The following MTSS1 variants were observed in gnomAD, a reference collection of about 807,000 sequenced individuals.
The protein encoded by MTSS1 is protein MTSS 1.
Under a neutral mutation model 79.0 loss-of-function variants are expected in MTSS1, and 18 were observed. The observed-to-expected ratio is 0.23, with a 90% CI of 0.16 to 0.34. The LOEUF (loss-of-function observed/expected upper bound fraction) is 0.34, where lower values mean the gene tolerates loss of function less well. Ranked by LOEUF, MTSS1 falls within the 10% of genes least tolerant of loss-of-function variation. The pLI is 1.00. For synonymous variants in MTSS1, 341 were observed against 368.6 expected, an observed-to-expected ratio of 0.93 and a Z score of 0.86; for missense variants, 815 against 986.2, an observed-to-expected ratio of 0.83 and a Z score of 2.33.
At chr8:124,637,112 G>A (rs3891180) in intron 3 of MTSS1, among the ~76,000 whole-genome samples, 3 of 152,132 alleles carry the variant, frequency 2.0e-5, no homozygotes, top group Non-Finnish European at 2.9e-5. Context: ...ATGAGGAAAC[G>A]CAGCCCTGCC....
chr8:124,645,004 C>T (rs1243401643), intron 3 of MTSS1, among the ~76,000 whole-genome samples: 12 of 152,118 alleles, frequency 7.9e-5, no homozygotes, highest in Admixed American at 7.9e-4. Flanking sequence ...GGTCTTGAGG[C>T]CCAAATGTAG....
chr8:124,665,851 G>A (rs185367108), intron 3 of MTSS1, among the ~76,000 whole-genome samples: 8 of 142,234 alleles, frequency 5.6e-5, no homozygotes, highest in South Asian at 2.2e-4. Flanking sequence ...TGGGCAATAC[G>A]AGTGAAACTC....
At chr8:124,622,958 G>A (rs13439680) in intron 3 of MTSS1, among the ~76,000 whole-genome samples, 200 of 152,272 alleles carry the variant, frequency 1.3e-3, no homozygotes, top group African/African-American at 4.6e-3. Flanking sequence ...GGGAGATGGG[G>A]CCCAAGGCAA....
At chr8:124,661,129 C>T (rs1465392342) in intron 3 of MTSS1, among the ~76,000 whole-genome samples, 2 of 152,172 alleles carry the variant, frequency 1.3e-5, no homozygotes, top group African/African-American at 2.4e-5. Context: ...TCATTCAGAA[C>T]CTTCATCCTT....
chr8:124,599,346 G>A (rs190488893), intron 3 of MTSS1, among the ~76,000 whole-genome samples: 4,381 of 151,668 alleles, frequency 0.029, 88 homozygotes, highest in South Asian at 0.1. Context: ...TAGCCAGCAC[G>A]GTGGTGGGTG....
At chr8:124,559,684 G>C (rs1039219457) in intron 10 of MTSS1, among the ~76,000 whole-genome samples, 1 of 152,162 alleles carries the variant, frequency 6.6e-6, no homozygotes, top group Non-Finnish European at 1.5e-5. Flanking sequence ...CTACACCCAA[G>C]TTTCTTCTAG....
intron 8 of MTSS1, 117 bp from the exon 9 acceptor site, chr8:124,565,876 C>A: frequency 5.1e-6 from 4 of 777,876 alleles, no homozygotes; most frequent in Non-Finnish European, 7.9e-6. Flanking sequence ...GGAATGAAAG[C>A]AAAACATGTT....
intron 3 of MTSS1, among the ~76,000 whole-genome samples, chr8:124,609,836 T>C (rs895218258): frequency 6.6e-6 from 1 of 152,152 alleles, no homozygotes; most frequent in African/African-American, 2.4e-5. Context: ...TTGGACACTA[T>C]CCTATTCTGA....
intron 1 of MTSS1, among the ~76,000 whole-genome samples, chr8:124,718,256 C>T (rs1832391015): frequency 1.1e-5 from 1 of 88,934 alleles, no homozygotes; most frequent in African/African-American, 3.8e-5. Flanking sequence ...AAAACATCTG[C>T]TAATTTTTTT....
At chr8:124,587,175 C>T (rs576097304) in intron 5 of MTSS1, among the ~76,000 whole-genome samples, 37 of 152,238 alleles carry the variant, frequency 2.4e-4, no homozygotes, top group South Asian at 2.1e-3. Context: ...GGGGCCTGGC[C>T]GGATGGTTGT....
At chr8:124,554,928 C>T (rs535656470) in intron 13 of MTSS1, among the ~76,000 whole-genome samples, 47 of 152,266 alleles carry the variant, frequency 3.1e-4, no homozygotes, top group East Asian at 7.7e-4. Flanking sequence ...ACTGCAGCCT[C>T]GACTTCCCAG....
intron 3 of MTSS1, among the ~76,000 whole-genome samples, chr8:124,654,639 C>T (rs1820606981): frequency 6.6e-6 from 1 of 152,208 alleles, no homozygotes; most frequent in Non-Finnish European, 1.5e-5. Flanking sequence ...GATCCTAACC[C>T]AGCGTAATTG....
intron 6 of MTSS1, chr8:124,580,419 G>T: frequency 1.1e-6 from 1 of 915,938 alleles, no homozygotes; most frequent in South Asian, 1.6e-5. Context: ...TGGAAAATTA[G>T]GTAGGCACAG....
chr8:124,622,315 G>T (rs113490082), intron 3 of MTSS1, among the ~76,000 whole-genome samples: 2 of 151,864 alleles, frequency 1.3e-5, no homozygotes, highest in African/African-American at 2.4e-5. Context: ...GAGCAGGGGT[G>T]GGGGAGGTGA....
rs138827701 is a variant in MTSS1, at chr8:124,670,894, C to T, written c.208+28632G>A. Among the ~76,000 whole-genome samples, 377 of 152,234 alleles carry T rather than the reference C, an allele frequency of 2.5e-3. 2 individuals are homozygous for T. The highest frequency in any genetic ancestry group is 8.7e-3 in the African/African-American group (363 of 41,528). On this transcript the variant is annotated intron_variant, in intron 3 of 13. Coordinates refer to ENST00000518547, the MANE Select transcript of MTSS1 (RefSeq NM_014751.6). Reference sequence around the variant, plus strand: ...CTCTAAAATGGCTTAAGATACAGAGCCCAGGAGTGCCAAAAGGCCAGGTCA... The same window carrying T: ...CTCTAAAATGGCTTAAGATACAGAGTCCAGGAGTGCCAAAAGGCCAGGTCA...
intron 3 of MTSS1, among the ~76,000 whole-genome samples, chr8:124,687,979 G>C (rs1827256274): frequency 6.6e-6 from 1 of 152,178 alleles, no homozygotes; most frequent in African/African-American, 2.4e-5. Context: ...CTCAAATGCG[G>C]CTCTAAAGGG....
intron 3 of MTSS1, among the ~76,000 whole-genome samples, chr8:124,665,492 T>G (rs1256748996): frequency 6.6e-6 from 1 of 152,214 alleles, no homozygotes; most frequent in African/African-American, 2.4e-5. Context: ...CACCTGGCTT[T>G]TCTCCTCTCT....
At chr8:124,612,368 T>C (rs28379655) in intron 3 of MTSS1, among the ~76,000 whole-genome samples, 47,082 of 152,060 alleles carry the variant, frequency 0.31, 9,772 homozygotes, top group African/African-American at 0.59. Context: ...GGAAACGGCA[T>C]AGGCAGGGTA....
chr8:124,616,585 G>A (rs919846363), intron 3 of MTSS1, among the ~76,000 whole-genome samples: 8 of 152,062 alleles, frequency 5.3e-5, no homozygotes, highest in East Asian at 1.9e-4. Context: ...AGACGGAAAC[G>A]GATAGTTCCC....
Sources: gnomAD v4.1 joint callset for allele counts (sites outside exome capture counted in the v4.1 genomes callset) on GRCh38, gnomAD v4.1.1 for gene constraint, MANE v1.5 for transcripts, NCBI Gene and HGNC (gene_info 2026-07-23, HGNC 2026-07-21) for gene names.